The following TTC7B variants were observed in gnomAD, a reference collection of about 807,000 sequenced individuals.
The protein encoded by TTC7B is tetratricopeptide repeat protein 7B.
A neutral mutation model predicts 106.8 loss-of-function variants in TTC7B; 28 were observed. That is an observed-to-expected ratio of 0.26 (90% CI 0.19 to 0.36). The LOEUF is 0.36. Among genes scored for constraint, TTC7B ranks in the 10% least tolerant of loss-of-function variants. The probability of loss-of-function intolerance (pLI) is 1.00; values close to 1 mark genes in which losing one functional copy is unlikely to be tolerated. For missense variants in TTC7B, 862 were observed against 1,076.4 expected (o/e 0.80, Z 2.79); for synonymous variants, 405 against 430.6 (o/e 0.94, Z 0.74).
chr14:90,761,215 T>A (rs1186975864), intron 3 of TTC7B, among the ~76,000 whole-genome samples: 1 of 152,006 alleles, frequency 6.6e-6, no homozygotes, highest in Non-Finnish European at 1.5e-5. Context: ...AAGCCTGAAT[T>A]CTGCTAAGGC....
intron 5 of TTC7B, among the ~76,000 whole-genome samples, chr14:90,714,394 A>G (rs56862319): frequency 0.051 from 7,739 of 152,038 alleles, 683 homozygotes; most frequent in African/African-American, 0.18. Flanking sequence ...GGCACAAGGA[A>G]CTTTTCGAGC....
At chr14:90,780,157 G>A (rs567510288) in intron 3 of TTC7B, among the ~76,000 whole-genome samples, 24 of 152,196 alleles carry the variant, frequency 1.6e-4, no homozygotes, top group African/African-American at 5.8e-4. Context: ...TGAGGTGGGC[G>A]GATCACCTGA....
Position 90,802,718 on chromosome 14 carries a change from G to T in TTC7B, c.121+13457C>A, listed in dbSNP as rs57506024. Among the ~76,000 whole-genome samples the T allele has an allele frequency of 0.028, 4,250 of 152,164 alleles. 162 individuals are homozygous for T. Among genetic ancestry groups the T allele is most frequent in the African/African-American group, 0.089 (3,695 of 41,498 alleles). On this transcript the variant is annotated intron_variant, in intron 1 of 19. Coordinates refer to ENST00000328459, the MANE Select transcript of TTC7B (RefSeq NM_001010854.2). This position sits in a 1 kb window ranked among gnomAD's most constrained non-coding sequence, Gnocchi z 4.7. ...TCACCATTTGCAAGTAGTCAACAGG[G>T]TTGACGGGTACTCCCCAGGGACGCT...
rs78118903 is a variant in TTC7B, at chr14:90,685,818, C to A, written c.950+3722G>T. Among the ~76,000 whole-genome samples the A allele has an allele frequency of 2.6e-3, 398 of 151,862 alleles. 2 individuals are homozygous for A. The highest frequency in any genetic ancestry group is 9.1e-3 in the African/African-American group (379 of 41,428). On this transcript the variant is annotated intron_variant, in intron 7 of 19. Transcript: ENST00000328459. The stretch of plus-strand genomic sequence containing the variant: ...GAAGAAATAGAAAATACAAATAGAC[C>A]TAAAATAAGTAAAGAGATTGAATTA...
chr14:90,726,330 G>A (rs572945326), intron 5 of TTC7B, among the ~76,000 whole-genome samples: 1 of 152,282 alleles, frequency 6.6e-6, no homozygotes, highest in South Asian at 2.1e-4. Flanking sequence ...AAAGTGATTA[G>A]AATGTTATCC....
At chr14:90,801,875 A>G (rs1219585932) in intron 1 of TTC7B, among the ~76,000 whole-genome samples, 1 of 152,138 alleles carries the variant, frequency 6.6e-6, no homozygotes, top group East Asian at 1.9e-4. Context: ...AGCCTGGCCA[A>G]CATGGTGAAA....
intron 17 of TTC7B, among the ~76,000 whole-genome samples, chr14:90,597,669 C>T (rs534312339): frequency 6.7e-6 from 1 of 149,854 alleles, no homozygotes; most frequent in African/African-American, 2.5e-5. Flanking sequence ...AAAAAAAAAA[C>T]AAAACAACAA....
At chr14:90,666,894 C>A (rs917805618) in intron 9 of TTC7B, among the ~76,000 whole-genome samples, 1 of 152,236 alleles carries the variant, frequency 6.6e-6, no homozygotes, top group African/African-American at 2.4e-5. Flanking sequence ...CTCCTCTCAA[C>A]TCTACGAATC....
intron 3 of TTC7B, among the ~76,000 whole-genome samples, chr14:90,768,861 TAA>T (rs1292314670): frequency 6.6e-6 from 1 of 152,256 alleles, no homozygotes; most frequent in Non-Finnish European, 1.5e-5. Context: ...CTGCATGACT[TAA>T]GAGACTAATA....
At chr14:90,672,692 T>A (rs1886678378) in intron 9 of TTC7B, among the ~76,000 whole-genome samples, 2 of 152,340 alleles carry the variant, frequency 1.3e-5, no homozygotes, top group African/African-American at 4.8e-5. Context: ...TATTATGTAT[T>A]CTCTAATTTG....
chr14:90,744,449 T>A (rs1393376896), intron 4 of TTC7B, among the ~76,000 whole-genome samples: 1 of 152,062 alleles, frequency 6.6e-6, no homozygotes, highest in Non-Finnish European at 1.5e-5. Context: ...TAGCTGATTA[T>A]AGATGCCCGC....
At chr14:90,689,495 T>C (rs2139938375) in intron 7 of TTC7B, 45 bp downstream of exon 7, 1 of 1,539,662 alleles carries the variant, frequency 6.5e-7, no homozygotes, top group Non-Finnish European at 8.8e-7. Context: ...TCCCAAGTTT[T>C]CCTCCCAACC....
chr14:90,784,521 C>T (rs1891321221), intron 2 of TTC7B, among the ~76,000 whole-genome samples: 1 of 151,800 alleles, frequency 6.6e-6, no homozygotes, highest in Non-Finnish European at 1.5e-5. Context: ...CACGCCACTG[C>T]ACTCTAGCCT....
intron 15 of TTC7B, among the ~76,000 whole-genome samples, chr14:90,626,375 C>G (rs985356508): frequency 6.6e-6 from 1 of 152,188 alleles, no homozygotes; most frequent in Non-Finnish European, 1.5e-5. Context: ...CAGAATGCTT[C>G]CTTCCTTCTG....
At chr14:90,554,822 G>A (rs1890235750) in intron 19 of TTC7B, among the ~76,000 whole-genome samples, 1 of 152,258 alleles carries the variant, frequency 6.6e-6, no homozygotes, top group Non-Finnish European at 1.5e-5. Flanking sequence ...CCACACAGCT[G>A]AAGAGAAGGA....
At position 90,808,716 on chromosome 14, in the gene TTC7B, A is replaced by G. The variant is rs1370816715; in HGVS notation, c.121+7459T>C. ...TGCTTTTGAGGTCTCAGAAAACCTC[A>G]TCCCTCTTCCTGGGCTTCCCAGGTG... On this transcript the variant is annotated intron_variant, in intron 1 of 19. Coordinates refer to ENST00000328459, the MANE Select transcript of TTC7B (RefSeq NM_001010854.2). The surrounding 1 kb of genome is among the most constrained non-coding windows in gnomAD (Gnocchi z 4.2). Among the ~76,000 whole-genome samples, 2 of 152,162 alleles carry G rather than the reference A, an allele frequency of 1.3e-5. No individual in the cohort carries two copies. Among genetic ancestry groups the G allele is most frequent in the Non-Finnish European group, 2.9e-5 (2 of 68,024 alleles).
chr14:90,702,821 C>T (rs1888048111), intron 5 of TTC7B, among the ~76,000 whole-genome samples: 1 of 152,194 alleles, frequency 6.6e-6, no homozygotes, highest in Non-Finnish European at 1.5e-5. Context: ...GATGTGACAT[C>T]TCCTAAGAGT....
intron 5 of TTC7B, among the ~76,000 whole-genome samples, chr14:90,706,133 A>G (rs555064817): frequency 1.3e-5 from 2 of 150,466 alleles, no homozygotes; most frequent in Non-Finnish European, 1.5e-5. Flanking sequence ...TAATTCTCCC[A>G]CTGCATTTTC....
chr14:90,816,069 C>CGGCCGCGCCCCT, intron 1 of TTC7B, 106 bp downstream of exon 1: 5 of 977,012 alleles, frequency 5.1e-6, no homozygotes, highest in Non-Finnish European at 4.9e-6. Flanking sequence ...CCTCGCGGCC[C>CGGCCGCGCCCCT]GGCCGCGCCC....
Sources: gnomAD v4.1 joint callset for allele counts (sites outside exome capture counted in the v4.1 genomes callset) on GRCh38, gnomAD v4.1.1 for gene constraint, Gnocchi (gnomAD v3.1) non-coding constraint, MANE v1.5 for transcripts, NCBI Gene and HGNC (gene_info 2026-07-23, HGNC 2026-07-21) for gene names.